DTD1: variants seen among roughly 807,000 people sequenced by gnomAD.
The protein encoded by DTD1 is D-tyrosyl-tRNA deacylase 1 homolog.
A neutral mutation model predicts 25.6 loss-of-function variants in DTD1; 13 were observed. That is an observed-to-expected ratio of 0.51 (90% CI 0.33 to 0.81). The LOEUF (loss-of-function observed/expected upper bound fraction) is 0.81. Ranked by LOEUF, DTD1 falls within the 30% of genes least tolerant of loss-of-function variation. DTD1 has a pLI of 0.02. For synonymous variants in DTD1, 110 were observed against 103.6 expected (o/e 1.06, Z -0.37); for missense variants, 193 against 266.4 (o/e 0.72, Z 1.92).
chr20:18,743,092 G>A (rs1184448906), intron 4 of DTD1, among the ~76,000 whole-genome samples: 2 of 152,214 alleles, frequency 1.3e-5, no homozygotes, highest in South Asian at 2.1e-4. Context: ...GCTGCTCAGT[G>A]TTAGATGATG....
chr20:18,670,209 G>A (rs1369770870), intron 4 of DTD1, among the ~76,000 whole-genome samples: 1 of 152,104 alleles, frequency 6.6e-6, no homozygotes, highest in African/African-American at 2.4e-5. Flanking sequence ...ATAATCCCAC[G>A]CTTTGGGAGG....
At chr20:18,761,186 G>C (rs1856577788) in intron 5 of DTD1, among the ~76,000 whole-genome samples, 1 of 152,068 alleles carries the variant, frequency 6.6e-6, no homozygotes, top group African/African-American at 2.4e-5. Context: ...CGCTTCCCGG[G>C]CGAGGCGATG....
intron 5 of DTD1, among the ~76,000 whole-genome samples, chr20:18,756,970 T>G (rs1313598451): frequency 6.7e-6 from 1 of 148,268 alleles, no homozygotes; most frequent in East Asian, 2.0e-4. Context: ...TAGTTCTCCT[T>G]GAAGAGGTCC....
intron 4 of DTD1, among the ~76,000 whole-genome samples, chr20:18,701,117 G>A (rs2061103000): frequency 6.6e-6 from 1 of 152,194 alleles, no homozygotes; most frequent in African/African-American, 2.4e-5. Flanking sequence ...GTTTATGGGG[G>A]CATTGGCAGG....
At chr20:18,626,584 G>T (rs2060759436) in intron 3 of DTD1, among the ~76,000 whole-genome samples, 1 of 152,008 alleles carries the variant, frequency 6.6e-6, no homozygotes, top group South Asian at 2.1e-4. Context: ...TTTTGTGTGA[G>T]TGTGTGTTTT....
At chr20:18,604,954 G>T in intron 3 of DTD1, among the ~76,000 whole-genome samples, 1 of 37,398 alleles carries the variant, frequency 2.7e-5, no homozygotes, top group Non-Finnish European at 6.4e-5. Flanking sequence ...GGAAATAAAG[G>T]GTATTCAATT....
chr20:18,602,764 C>A (rs2060640864), intron 3 of DTD1, among the ~76,000 whole-genome samples: 1 of 68,674 alleles, frequency 1.5e-5, no homozygotes, highest in Non-Finnish European at 3.2e-5. Context: ...TAAAAGAGCT[C>A]CTGAAGGAAG....
intron 3 of DTD1, 76 bp downstream of exon 3, chr20:18,596,317 C>T: frequency 1.6e-6 from 2 of 1,213,976 alleles, no homozygotes; most frequent in Non-Finnish European, 2.3e-6. Context: ...GCTGCAACTG[C>T]AGCATCTCCT....
At chr20:18,645,023 C>T (rs1029160948) in intron 4 of DTD1, among the ~76,000 whole-genome samples, 8 of 152,168 alleles carry the variant, frequency 5.3e-5, no homozygotes, top group South Asian at 2.1e-4. Flanking sequence ...TGGTGGTGCA[C>T]GTTTGTAGTC....
chr20:18,665,495 T>C (rs1166899953), intron 4 of DTD1, among the ~76,000 whole-genome samples: 1 of 152,208 alleles, frequency 6.6e-6, no homozygotes, highest in African/African-American at 2.4e-5. Context: ...GCCCTGGCAG[T>C]TTCTCTAGTT....
chr20:18,632,747 A>C, intron 4 of DTD1: 4 of 794,138 alleles, frequency 5.0e-6, no homozygotes, highest in Non-Finnish European at 6.1e-6. Context: ...TAAGTTCTTT[A>C]AACTATCTGA....
intron 5 of DTD1, among the ~76,000 whole-genome samples, chr20:18,755,076 C>G (rs1286789591): frequency 6.6e-6 from 1 of 152,184 alleles, no homozygotes; most frequent in Non-Finnish European, 1.5e-5. Context: ...GCCAAAACCT[C>G]TCAGGATCCC....
At chr20:18,589,467 A>G (rs2060580463) in intron 1 of DTD1, among the ~76,000 whole-genome samples, 1 of 152,082 alleles carries the variant, frequency 6.6e-6, no homozygotes, top group Non-Finnish European at 1.5e-5. Context: ...CTAAGAGTCT[A>G]TTTTTCAACC....
intron 4 of DTD1, among the ~76,000 whole-genome samples, chr20:18,709,130 C>G (rs1333043900): frequency 6.6e-6 from 1 of 152,146 alleles, no homozygotes; most frequent in Non-Finnish European, 1.5e-5. Context: ...CGTGTTATTT[C>G]CCAGCCTCTG....
At chr20:18,620,245 G>A (rs1692511069) in intron 3 of DTD1, 1 of 152,160 alleles carries the variant, frequency 6.6e-6, no homozygotes, top group Non-Finnish European at 1.5e-5. Context: ...TACCTGGAGT[G>A]TGTTAAAGTT....
intron 4 of DTD1, among the ~76,000 whole-genome samples, chr20:18,740,452 G>T (rs918542780): frequency 3.3e-5 from 5 of 151,862 alleles, no homozygotes; most frequent in Admixed American, 6.6e-5. Flanking sequence ...GTGTGTATAT[G>T]TGTATGCATC....
chr20:18,716,140 G>A (rs2061179875), intron 4 of DTD1, among the ~76,000 whole-genome samples: 1 of 152,186 alleles, frequency 6.6e-6, no homozygotes, highest in Non-Finnish European at 1.5e-5. Context: ...TTAGAGCCAT[G>A]TGTGTTTTGC....
At chr20:18,759,864 A>G (rs1374771038) in intron 5 of DTD1, among the ~76,000 whole-genome samples, 2 of 152,208 alleles carry the variant, frequency 1.3e-5, no homozygotes, top group African/African-American at 2.4e-5. Context: ...CGTCACTTTC[A>G]GGTACACCAA....
intron 4 of DTD1, among the ~76,000 whole-genome samples, chr20:18,655,281 G>T (rs2060887600): frequency 6.6e-6 from 1 of 152,170 alleles, no homozygotes; most frequent in African/African-American, 2.4e-5. Context: ...GAATTTATGT[G>T]AATGATTATA....
Sources: allele counts gnomAD v4.1 joint callset (sites outside exome capture counted in the v4.1 genomes callset), GRCh38; gene constraint gnomAD v4.1.1; transcripts MANE v1.5; gene names NCBI Gene and HGNC (gene_info 2026-07-23, HGNC 2026-07-21).